The following GALNT16 variants were observed in gnomAD, a reference collection of about 807,000 sequenced individuals.
GALNT16 encodes the protein UDP-GalNAc:polypeptide N-acetylgalactosaminyltransferase-like protein 1.
In GALNT16, 40 loss-of-function variants were observed where a neutral mutation model predicts 76.1. The ratio of observed to expected loss-of-function variants is 0.53; its 90% CI spans 0.41 to 0.68. GALNT16 has a LOEUF of 0.68. GALNT16 is among the 30% of genes least tolerant of loss of function. GALNT16 has a pLI of 0.00. For synonymous variants in GALNT16, 276 were observed against 285.2 expected (o/e 0.97, Z 0.32); for missense variants, 621 against 731.9 (o/e 0.85, Z 1.75).
chr14:69,339,079 T>G (rs753218), intron 10 of GALNT16, among the ~76,000 whole-genome samples: 5,750 of 152,192 alleles, frequency 0.038, 132 homozygotes, highest in South Asian at 0.054. Context: ...CGAGTGCTGG[T>G]CATGGATGCC....
downstream of GALNT16, chr14:69,354,885 C>T (rs1327879299): frequency 1.3e-5 from 2 of 152,402 alleles, no homozygotes; most frequent in Non-Finnish European, 2.9e-5. Flanking sequence ...CCTGTCCCCT[C>T]GGAGCTGCCC....
At chr14:69,385,309 A>G in the GALNT16 span, among the ~76,000 whole-genome samples, 1 of 152,202 alleles carries the variant, frequency 6.6e-6, no homozygotes, top group African/African-American at 2.4e-5. Flanking sequence ...CCCTGAATTA[A>G]TTGCAGTTCC....
At chr14:69,299,185 T>G (rs2044812130) in intron 1 of GALNT16, among the ~76,000 whole-genome samples, 1 of 152,214 alleles carries the variant, frequency 6.6e-6, no homozygotes, top group African/African-American at 2.4e-5. Context: ...GCAAAACTCC[T>G]GGAAAGAGTT....
At chr14:69,375,947 G>T in the GALNT16 span, among the ~76,000 whole-genome samples, 142 of 149,938 alleles carry the variant, frequency 9.5e-4, no homozygotes, top group African/African-American at 3.4e-3. Context: ...CCCTCAAATA[G>T]ACATCTTTAA....
rs1319676912 is a variant in GALNT16, at chr14:69,261,427, G to C, written c.177+960G>C. On this transcript the variant is annotated intron_variant, in intron 1 of 14. Coordinates refer to ENST00000448469, the MANE Select transcript of GALNT16 (RefSeq NM_001168368.2). The surrounding 1 kb of genome is among the most constrained non-coding windows in gnomAD (Gnocchi z 6.4). ...CTCGAGCGGGCGCATTCTTCCAGAC[G>C]GGGGCGGTTGGTGGACGAGAGCCTC... Among the ~76,000 whole-genome samples the C allele has an allele frequency of 2.0e-5, 3 of 152,202 alleles. No homozygotes were observed. Among genetic ancestry groups the C allele is most frequent in the Admixed American group, 6.5e-5 (1 of 15,288 alleles).
chr14:69,377,867 T>C, the GALNT16 span, among the ~76,000 whole-genome samples: 3 of 130,336 alleles, frequency 2.3e-5, no homozygotes, highest in Non-Finnish European at 4.9e-5. Context: ...CTTACAAATA[T>C]AGTAACATTA....
At chr14:69,374,920 A>G in the GALNT16 span, among the ~76,000 whole-genome samples, 7 of 150,916 alleles carry the variant, frequency 4.6e-5, no homozygotes, top group Admixed American at 3.3e-4. Context: ...AAGACCACTC[A>G]TGATAACTAA....
intron 6 of GALNT16, 111 bp from the exon 7 acceptor site, chr14:69,331,353 G>T: frequency 2.8e-6 from 2 of 717,618 alleles, no homozygotes; most frequent in Non-Finnish European, 5.1e-6. Flanking sequence ...TACCCTGCAG[G>T]AAGTGCTGAG....
downstream of GALNT16, chr14:69,356,573 T>TTTTTTTTTTTTTTTTTTTTTC (rs2045695275): frequency 7.3e-6 from 1 of 136,498 alleles, no homozygotes; most frequent in Non-Finnish European, 1.6e-5. Flanking sequence ...TTTTTTTTTT[T>TTTTTTTTTTTTTTTTTTTTTC]GAGACAGAGT....
intron 1 of GALNT16, among the ~76,000 whole-genome samples, chr14:69,302,933 C>T (rs983031026): frequency 1.3e-5 from 2 of 152,098 alleles, no homozygotes; most frequent in African/African-American, 4.8e-5. Flanking sequence ...ACTGGGTATC[C>T]TGTATTTTAC....
At chr14:69,268,879 G>C (rs1566858233) in intron 1 of GALNT16, among the ~76,000 whole-genome samples, 1 of 152,164 alleles carries the variant, frequency 6.6e-6, no homozygotes, top group Non-Finnish European at 1.5e-5. Context: ...CCTGGGCCAG[G>C]GCACCATCCC....
intron 1 of GALNT16, among the ~76,000 whole-genome samples, chr14:69,319,457 C>G (rs2045146460): frequency 6.6e-6 from 1 of 152,264 alleles, no homozygotes; most frequent in South Asian, 2.1e-4. Context: ...GTGGGCAATT[C>G]TCACCCTCCT....
At chr14:69,267,724 C>G (rs964762953) in intron 1 of GALNT16, among the ~76,000 whole-genome samples, 1 of 152,130 alleles carries the variant, frequency 6.6e-6, no homozygotes, top group Admixed American at 6.5e-5. Context: ...GATCCCACTT[C>G]TAGGCTCAGC....
the GALNT16 span, among the ~76,000 whole-genome samples, chr14:69,377,910 C>T: frequency 6.7e-6 from 1 of 150,008 alleles, no homozygotes; most frequent in African/African-American, 2.5e-5. Flanking sequence ...ATTTTCATTC[C>T]AACCTTCAAA....
intron 2 of GALNT16, among the ~76,000 whole-genome samples, chr14:69,322,925 G>GGGGTGT (rs797021875): frequency 1.2e-4 from 12 of 103,856 alleles, no homozygotes; most frequent in African/African-American, 4.7e-4. Context: ...TGGCTCACGG[G>GGGGTGT]GTGTGTGTGT....
At chr14:69,359,139 C>T (rs2045709456), downstream of GALNT16, 1 of 152,300 alleles carries the variant, frequency 6.6e-6, no homozygotes, top group African/African-American at 2.4e-5. Flanking sequence ...TGGTGTGTTC[C>T]TGTCTTCTCT....
chr14:69,296,722 GA>G, intron 1 of GALNT16, among the ~76,000 whole-genome samples: 1 of 88,914 alleles, frequency 1.1e-5, no homozygotes, highest in South Asian at 5.3e-4. Flanking sequence ...TAGATGGACA[GA>G]TAGATGATAG....
chr14:69,318,721 C>A (rs2045136310), intron 1 of GALNT16, among the ~76,000 whole-genome samples: 1 of 152,232 alleles, frequency 6.6e-6, no homozygotes, highest in African/African-American at 2.4e-5. Context: ...TAACGAAGTG[C>A]ATACTCTCCC....
At position 69,304,811 on chromosome 14, in the gene GALNT16, C is replaced by A. The variant is rs2044908032; in HGVS notation, c.178-15900C>A. 2.0e-5 allele frequency among the ~76,000 whole-genome samples: 3 copies of A among 152,306 alleles called. No homozygotes were observed. In the South Asian group the frequency reaches 6.2e-4, roughly 32 times the overall value. ...TGCAAATGGCAGGATTTCCTTCTTT[C>A]TCAAGGCTGAATAGTTTCATTGTAT... On this transcript the variant is annotated intron_variant, in intron 1 of 14. Transcript: ENST00000448469.
Sources: allele counts gnomAD v4.1 joint callset (sites outside exome capture counted in the v4.1 genomes callset), GRCh38; gene constraint gnomAD v4.1.1; non-coding constraint Gnocchi (gnomAD v3.1); transcripts MANE v1.5; gene names NCBI Gene and HGNC (gene_info 2026-07-23, HGNC 2026-07-21).